The following ZNF407 variants were observed in gnomAD, a reference collection of about 807,000 sequenced individuals.
ZNF407 encodes the protein zinc finger protein 407.
In ZNF407, 17 loss-of-function variants were observed where a neutral mutation model predicts 131.2. The observed-to-expected ratio is 0.13, with a 90% CI of 0.09 to 0.19. ZNF407 has a LOEUF of 0.19. Ranked by LOEUF, ZNF407 falls within the 10% of genes least tolerant of loss-of-function variation. The pLI, the probability that ZNF407 is intolerant of heterozygous loss-of-function variation, is 1.00. For synonymous variants in ZNF407, 1,156 were observed against 1,062.0 expected, an observed-to-expected ratio of 1.09 and a Z score of -1.72; for missense variants, 2,681 against 2,830.6, an observed-to-expected ratio of 0.95 and a Z score of 1.20.
chr18:74,794,423 T>C (rs1412690250), intron 4 of ZNF407, among the ~76,000 whole-genome samples: 1 of 152,106 alleles, frequency 6.6e-6, no homozygotes, highest in Non-Finnish European at 1.5e-5. Flanking sequence ...ATTTTTTTTT[T>C]TTTCAGAAAT....
chr18:74,783,226 A>G (rs756785316), intron 4 of ZNF407, among the ~76,000 whole-genome samples: 74 of 152,322 alleles, frequency 4.9e-4, no homozygotes, highest in African/African-American at 1.0e-3. Flanking sequence ...AATTTATTCA[A>G]TATCTCATAA....
At chr18:75,016,756 C>T (rs1013144217) in intron 8 of ZNF407, among the ~76,000 whole-genome samples, 5 of 152,040 alleles carry the variant, frequency 3.3e-5, no homozygotes, top group African/African-American at 9.7e-5. Flanking sequence ...GATTTTCTGC[C>T]CTAAAATTAC....
At chr18:74,857,004 G>A (rs1324930946) in intron 4 of ZNF407, among the ~76,000 whole-genome samples, 3 of 152,140 alleles carry the variant, frequency 2.0e-5, no homozygotes, top group African/African-American at 7.2e-5. Context: ...TTCAAAGAAG[G>A]CACTCGTTAA....
At chr18:74,731,534 T>C (rs1156252320) in intron 3 of ZNF407, among the ~76,000 whole-genome samples, 1 of 152,206 alleles carries the variant, frequency 6.6e-6, no homozygotes, top group African/African-American at 2.4e-5. Context: ...CTTAATGAAA[T>C]GCAAACACAT....
chr18:75,045,148 G>A (rs896009725), intron 8 of ZNF407, among the ~76,000 whole-genome samples: 100 of 152,018 alleles, frequency 6.6e-4, no homozygotes, highest in African/African-American at 2.1e-3. Context: ...GGGTGTGCAC[G>A]CATGTACATA....
intron 1 of ZNF407, among the ~76,000 whole-genome samples, chr18:74,630,209 C>T (rs1256602343): frequency 5.2e-5 from 7 of 134,696 alleles, no homozygotes; most frequent in South Asian, 4.7e-4. Flanking sequence ...CTCGCTCTGT[C>T]GCCCAGGCTG....
chr18:74,667,207 T>G (rs1204365405), intron 3 of ZNF407, among the ~76,000 whole-genome samples: 4 of 152,236 alleles, frequency 2.6e-5, no homozygotes, highest in Non-Finnish European at 5.9e-5. Context: ...GCTCCTCGTC[T>G]GTTTCCAGTG....
chr18:74,608,252 T>A (rs1390194517), intron 1 of ZNF407, among the ~76,000 whole-genome samples: 1 of 152,178 alleles, frequency 6.6e-6, no homozygotes, highest in Non-Finnish European at 1.5e-5. Flanking sequence ...ATGGTTCCAT[T>A]GATATCCTTT....
chr18:74,957,698 G>A (rs1055630620), intron 8 of ZNF407, among the ~76,000 whole-genome samples: 4 of 152,138 alleles, frequency 2.6e-5, no homozygotes, highest in East Asian at 1.9e-4. Context: ...AGACAGTGCC[G>A]TAATGGGAAG....
chr18:74,785,836 C>T (rs1475064002), intron 4 of ZNF407, among the ~76,000 whole-genome samples: 2 of 151,584 alleles, frequency 1.3e-5, no homozygotes, highest in African/African-American at 2.4e-5. Flanking sequence ...ATGTCACTCA[C>T]ATGGCATGCA....
At chr18:74,902,484 C>G (rs1971540294) in intron 7 of ZNF407, among the ~76,000 whole-genome samples, 1 of 152,094 alleles carries the variant, frequency 6.6e-6, no homozygotes, top group Non-Finnish European at 1.5e-5. Context: ...GAGAGACTTA[C>G]AAGGGACAAA....
At chr18:74,844,110 C>T (rs1172765106) in intron 4 of ZNF407, among the ~76,000 whole-genome samples, 1 of 152,184 alleles carries the variant, frequency 6.6e-6, no homozygotes, top group South Asian at 2.1e-4. Flanking sequence ...ATGTCCACCC[C>T]TCCAACCTTG....
intron 3 of ZNF407, among the ~76,000 whole-genome samples, chr18:74,753,253 A>G (rs1002106734): frequency 3.3e-5 from 5 of 151,672 alleles, no homozygotes; most frequent in Non-Finnish European, 5.9e-5. Flanking sequence ...GACTTAGCCG[A>G]AGTTGCTTAT....
In ZNF407 at chr18:74,671,544, T is replaced by C. The variant is rs926431694; in HGVS notation, c.4802+30422T>C. ...CCCTCAGGTAGGCCCCCAATGTCTT[T>C]TGTTCCTTTTTTTGTGTTCCTGAGT... On this transcript the variant is annotated intron_variant, in intron 3 of 8. Transcript: ENST00000299687. Among the ~76,000 whole-genome samples the C allele has an allele frequency of 2.6e-5, 4 of 151,994 alleles. 1 individual carries two copies. In the South Asian group the frequency reaches 8.3e-4, roughly 32 times the overall value.
chr18:75,029,147 A>G (rs185469740), intron 8 of ZNF407, among the ~76,000 whole-genome samples: 16 of 152,282 alleles, frequency 1.1e-4, no homozygotes, highest in African/African-American at 3.8e-4. Context: ...CATTGCCAAA[A>G]TTTTATGCTT....
intron 7 of ZNF407, among the ~76,000 whole-genome samples, chr18:74,899,108 A>G (rs1971489870): frequency 6.6e-6 from 1 of 152,184 alleles, no homozygotes; most frequent in Non-Finnish European, 1.5e-5. Context: ...TCCACTGTCC[A>G]TGCTGGATGA....
intron 3 of ZNF407, among the ~76,000 whole-genome samples, chr18:74,776,165 GA>G (rs1969467387): frequency 6.6e-6 from 1 of 152,192 alleles, no homozygotes; most frequent in Non-Finnish European, 1.5e-5. Flanking sequence ...GTCCTTATAA[GA>G]AAGGCTTAAG....
chr18:74,879,106 A>G (rs1971201940), intron 5 of ZNF407, among the ~76,000 whole-genome samples: 1 of 152,172 alleles, frequency 6.6e-6, no homozygotes, highest in Non-Finnish European at 1.5e-5. Context: ...AGGGAAAGGA[A>G]TAAAAATATA....
intron 8 of ZNF407, among the ~76,000 whole-genome samples, chr18:74,922,775 C>A (rs899261578): frequency 1.3e-5 from 2 of 152,136 alleles, no homozygotes; most frequent in Non-Finnish European, 2.9e-5. Context: ...GATTCCTTAT[C>A]GAAGAGTCTA....
Sources: gnomAD v4.1 joint callset for allele counts (sites outside exome capture counted in the v4.1 genomes callset) on GRCh38, gnomAD v4.1.1 for gene constraint, MANE v1.5 for transcripts, NCBI Gene and HGNC (gene_info 2026-07-23, HGNC 2026-07-21) for gene names.